The following RBFOX3 variants were observed in gnomAD, a reference collection of about 807,000 sequenced individuals.
The protein encoded by RBFOX3 is RNA binding fox-1 homolog 3.
A neutral mutation model predicts 48.7 loss-of-function variants in RBFOX3; 17 were observed. The ratio of observed to expected loss-of-function variants is 0.35; its 90% CI spans 0.24 to 0.52. The LOEUF is 0.52. Among genes scored for constraint, RBFOX3 ranks in the 20% least tolerant of loss-of-function variants. The pLI is 0.94. For missense variants in RBFOX3, 382 were observed against 497.5 expected (o/e 0.77, Z 2.21); for synonymous variants, 212 against 209.5 (o/e 1.01, Z -0.10).
At chr17:79,490,246 A>G (rs746868193) in intron 1 of RBFOX3, among the ~76,000 whole-genome samples, 22 of 152,344 alleles carry the variant, frequency 1.4e-4, no homozygotes, top group East Asian at 3.9e-4. Flanking sequence ...ACCTTTTGGT[A>G]TTGTTGAAAT....
chr17:79,594,251 T>C (rs1412243797), intron 1 of RBFOX3, among the ~76,000 whole-genome samples: 3 of 152,134 alleles, frequency 2.0e-5, no homozygotes, highest in Non-Finnish European at 4.4e-5. Context: ...CTTTCGAGAC[T>C]GAGGGGTGAG....
rs1235990460 is a variant in RBFOX3, at chr17:79,512,845, C to T, written c.-319-30247G>A. On this transcript the variant is annotated intron_variant, in intron 1 of 14. Transcript: ENST00000693108. ...CCCGGATACGTGTTACCATCGGCTA[C>T]GGCCCCATGGCCAGGGGACGCACAC... 4.1e-5 allele frequency among the ~76,000 whole-genome samples: 6 copies of T among 145,696 alleles called. No homozygotes were observed. The East Asian group carries it at 6.3e-4, about 15-fold the overall frequency.
chr17:79,094,254 A>G (rs1189595866), intron 14 of RBFOX3, 197 bp downstream of exon 14: 3 of 481,674 alleles, frequency 6.2e-6, no homozygotes, highest in Non-Finnish European at 7.3e-6. Context: ...CAGCCATTCA[A>G]CCTGCTTCCC....
Position 79,296,958 on chromosome 17 carries a change from TC to T in RBFOX3, c.-74+10765del, listed in dbSNP as rs776863936. On this transcript the variant is annotated intron_variant, in intron 3 of 14. Transcript: ENST00000693108. ...CTCTCCCTCCTCCTCCTCTTCCTCA[TC>T]CTCTCCTCCTCCCTCTCCTCTTCCT... is the stretch of plus-strand genomic sequence containing the variant. Among the ~76,000 whole-genome samples, 118 of 126,542 alleles carry T rather than the reference TC, an allele frequency of 9.3e-4. No individual in the cohort carries two copies. In the East Asian group the frequency reaches 0.032, roughly 34 times the overall value. 83.0% of individuals were successfully genotyped at this position (126,542 alleles called of 152,430 possible).
rs190779148 is a variant in RBFOX3, at chr17:79,122,360, C to A, written c.-33-6612G>T. Among the ~76,000 whole-genome samples the A allele has an allele frequency of 9.7e-4, 147 of 152,294 alleles. 3 individuals are homozygous for A. The highest frequency in any genetic ancestry group is 5.6e-3 in the Admixed American group (85 of 15,302). On this transcript the variant is annotated intron_variant, in intron 4 of 14. Transcript: ENST00000693108. ...GCACGACCCCTGCTCCTGCTTCTCT[C>A]CTCTTGCTTGTCTACTCCAGCCACA...
intron 2 of RBFOX3, among the ~76,000 whole-genome samples, chr17:79,449,677 A>G (rs2073092581): frequency 1.5e-5 from 2 of 130,836 alleles, no homozygotes; most frequent in South Asian, 5.1e-4. Context: ...CGTAGACCCA[A>G]TGGAGCATCT....
At chr17:79,600,876 C>T (rs2093689577) in intron 1 of RBFOX3, 1 of 152,286 alleles carries the variant, frequency 6.6e-6, no homozygotes, top group Admixed American at 6.5e-5. Context: ...CCTGCTTGAC[C>T]TGCAATTGCC....
At chr17:79,618,656 G>A in the RBFOX3 span, among the ~76,000 whole-genome samples, 43 of 152,298 alleles carry the variant, frequency 2.8e-4, no homozygotes, top group East Asian at 2.1e-3. Flanking sequence ...TGGATTTTCC[G>A]GAGGATGGAG....
the RBFOX3 span, among the ~76,000 whole-genome samples, chr17:79,628,402 C>G: frequency 6.6e-6 from 1 of 152,150 alleles, no homozygotes; most frequent in Non-Finnish European, 1.5e-5. Context: ...AGGGCTAACA[C>G]AGGAAATTAG....
Position 79,214,770 on chromosome 17 carries a change from C to T in RBFOX3, c.-34+20996G>A. On this transcript the variant is annotated intron_variant, in intron 4 of 14. Coordinates refer to ENST00000693108, the MANE Select transcript of RBFOX3 (RefSeq NM_001350451.2). This position sits in a 1 kb window ranked among gnomAD's most constrained non-coding sequence, Gnocchi z 4.7. ...CCCTAGGAAACAGACACTAAATCCTCATTACAAGGCTTGTTAAATGCACAG... is the reference window on the plus strand; with the variant it reads ...CCCTAGGAAACAGACACTAAATCCTTATTACAAGGCTTGTTAAATGCACAG... Among the ~76,000 whole-genome samples, 1 of 152,114 alleles carries T rather than the reference C, an allele frequency of 6.6e-6. No individual in the cohort carries two copies. Among genetic ancestry groups the T allele is most frequent in the East Asian group, 1.9e-4 (1 of 5,172 alleles).
At chr17:79,544,753 A>G (rs2090167076) in intron 1 of RBFOX3, among the ~76,000 whole-genome samples, 3 of 151,748 alleles carry the variant, frequency 2.0e-5, no homozygotes, top group Admixed American at 2.0e-4. Flanking sequence ...AAGCTCTTAC[A>G]TAACTCGGGT....
At chr17:79,110,309 G>T (rs1365690336) in intron 5 of RBFOX3, among the ~76,000 whole-genome samples, 1 of 152,046 alleles carries the variant, frequency 6.6e-6, no homozygotes, top group Non-Finnish European at 1.5e-5. Flanking sequence ...CGGGGTGGGG[G>T]TCTAGTTGCC....
chr17:79,382,793 G>C (rs1175601417), intron 2 of RBFOX3, among the ~76,000 whole-genome samples: 5 of 152,192 alleles, frequency 3.3e-5, no homozygotes, highest in African/African-American at 1.2e-4. Context: ...AAGGAACAGG[G>C]CTCCTGCCAT....
intron 4 of RBFOX3, among the ~76,000 whole-genome samples, chr17:79,134,754 C>A (rs1057296294): frequency 2.2e-4 from 33 of 152,194 alleles, no homozygotes; most frequent in African/African-American, 7.7e-4. Context: ...TTCCCCCCTG[C>A]GCCTGGGCCC....
chr17:79,420,294 G>A (rs371650827), intron 2 of RBFOX3, among the ~76,000 whole-genome samples: 117 of 152,286 alleles, frequency 7.7e-4, no homozygotes, highest in African/African-American at 2.4e-3. Flanking sequence ...GTTTCTGAGT[G>A]CATTTCAAAT....
chr17:79,138,475 G>A (rs1409445189), intron 4 of RBFOX3, among the ~76,000 whole-genome samples: 2 of 152,002 alleles, frequency 1.3e-5, no homozygotes, highest in African/African-American at 2.4e-5. Context: ...TACACACCAT[G>A]TCACAGTCAT....
At chr17:79,608,787 C>T (rs1427251129) in intron 1 of RBFOX3, among the ~76,000 whole-genome samples, 1 of 151,942 alleles carries the variant, frequency 6.6e-6, no homozygotes, top group African/African-American at 2.4e-5. Flanking sequence ...GTGAGCGAGG[C>T]GCCCACGCAG....
intron 4 of RBFOX3, among the ~76,000 whole-genome samples, chr17:79,149,925 C>T (rs1460589767): frequency 3.0e-5 from 4 of 133,340 alleles, no homozygotes; most frequent in Admixed American, 7.6e-5. Context: ...ACAGTGGCTG[C>T]GCTGAGGACT....
chr17:79,563,067 G>C (rs2092311430), intron 1 of RBFOX3, among the ~76,000 whole-genome samples: 1 of 152,184 alleles, frequency 6.6e-6, no homozygotes, highest in Middle Eastern at 3.2e-3. Flanking sequence ...GAGCGGGCGG[G>C]GGGAGCAAGA....
Sources: gnomAD v4.1 joint callset for allele counts (sites outside exome capture counted in the v4.1 genomes callset) on GRCh38, gnomAD v4.1.1 for gene constraint, Gnocchi (gnomAD v3.1) non-coding constraint, MANE v1.5 for transcripts, NCBI Gene and HGNC (gene_info 2026-07-23, HGNC 2026-07-21) for gene names.